The following MECOM variants were observed in gnomAD, a reference collection of about 807,000 sequenced individuals.
MECOM encodes histone-lysine N-methyltransferase MECOM.
A neutral mutation model predicts 116.3 loss-of-function variants in MECOM; 13 were observed. That is an observed-to-expected ratio of 0.11 (90% CI 0.07 to 0.18). MECOM has a LOEUF of 0.18. MECOM is among the 10% of genes least tolerant of loss of function. The pLI is 1.00. For synonymous variants in MECOM, 528 were observed against 535.2 expected (o/e 0.99, Z 0.19); for missense variants, 1,299 against 1,509.0 (o/e 0.86, Z 2.31).
chr3:169,247,390 C>T (rs1262709445), intron 2 of MECOM, among the ~76,000 whole-genome samples: 1 of 152,078 alleles, frequency 6.6e-6, no homozygotes, highest in Non-Finnish European at 1.5e-5. Context: ...ACCACAACCT[C>T]CACCTCCCGC....
rs1491467574 is a variant in MECOM at position 169,378,452 on chromosome 3, G to GAAAGAAAGAAA, written c.375+2734_375+2735insTTTCTTTCTTT. 1.5e-3 allele frequency among the ~76,000 whole-genome samples: 97 copies of GAAAGAAAGAAA among 64,542 alleles called. 10 individuals carry two copies. Among genetic ancestry groups the GAAAGAAAGAAA allele is most frequent in the South Asian group, 4.6e-3 (9 of 1,952 alleles). The allele number at this position is 64,542 out of a possible 152,430, so 42.3% of individuals were successfully genotyped here. A position where few individuals can be genotyped will look rare whatever the true frequency, so the allele number is the denominator to read the frequency against. ...AAGAAAGAAAGAAAGAAAGAAAGAA[G>GAAAGAAAGAAA]GAAAGCAAGCAAGCAAGCAAGCAAG... On this transcript the variant is annotated intron_variant, in intron 2 of 16. Transcript: ENST00000651503.
intron 2 of MECOM, among the ~76,000 whole-genome samples, chr3:169,257,898 C>A (rs1028072933): frequency 6.6e-6 from 1 of 152,222 alleles, no homozygotes; most frequent in South Asian, 2.1e-4. Flanking sequence ...AGCAGTGTAA[C>A]CCCCAAATAC....
chr3:169,555,369 T>C (rs1220103532), intron 1 of MECOM, among the ~76,000 whole-genome samples: 1 of 152,132 alleles, frequency 6.6e-6, no homozygotes, highest in East Asian at 1.9e-4. Flanking sequence ...AATTGTTATA[T>C]AGGCATTTTG....
intron 1 of MECOM, among the ~76,000 whole-genome samples, chr3:169,400,685 A>C (rs1386114824): frequency 1.3e-5 from 2 of 152,214 alleles, no homozygotes; most frequent in Non-Finnish European, 2.9e-5. Flanking sequence ...ATTCAAACAC[A>C]GGGGAAAATA....
chr3:169,596,730 A>G (rs1302388956), intron 1 of MECOM, among the ~76,000 whole-genome samples: 1 of 152,192 alleles, frequency 6.6e-6, no homozygotes, highest in Non-Finnish European at 1.5e-5. Flanking sequence ...AGACTGTTCC[A>G]TAGAATTAGT....
intron 2 of MECOM, among the ~76,000 whole-genome samples, chr3:169,347,644 A>G (rs1431763771): frequency 6.6e-6 from 1 of 152,044 alleles, no homozygotes; most frequent in Non-Finnish European, 1.5e-5. Flanking sequence ...CTACCCTTAA[A>G]TGAATTGAAA....
At chr3:169,507,673 T>TTTTTTTTTTTTTTTTTG in intron 1 of MECOM, among the ~76,000 whole-genome samples, 1 of 117,904 alleles carries the variant, frequency 8.5e-6, no homozygotes, top group African/African-American at 3.3e-5. Flanking sequence ...TTTTTTTTTT[T>TTTTTTTTTTTTTTTTTG]TTTTTTGAGA....
At chr3:169,355,879 A>G (rs1318705803) in intron 2 of MECOM, among the ~76,000 whole-genome samples, 1 of 151,848 alleles carries the variant, frequency 6.6e-6, no homozygotes, top group African/African-American at 2.4e-5. Context: ...TCTAAACCGT[A>G]TATGGAAAAC....
chr3:169,452,327 ATAAGT>A (rs944588623), intron 1 of MECOM, among the ~76,000 whole-genome samples: 2 of 152,204 alleles, frequency 1.3e-5, no homozygotes, highest in African/African-American at 2.4e-5. Flanking sequence ...TTTAAATTAA[ATAAGT>A]TAACATTTTA....
chr3:169,654,402 T>C (rs1430416871), intron 1 of MECOM, among the ~76,000 whole-genome samples: 3 of 152,246 alleles, frequency 2.0e-5, no homozygotes, highest in Non-Finnish European at 2.9e-5. Flanking sequence ...AAAAACTTAT[T>C]TCTCCATCCT....
At chr3:169,394,055 T>G (rs1466147545) in intron 1 of MECOM, among the ~76,000 whole-genome samples, 1 of 152,176 alleles carries the variant, frequency 6.6e-6, no homozygotes, top group African/African-American at 2.4e-5. Context: ...CTGAAGTCTA[T>G]AGAATACACA....
At chr3:169,226,979 T>C (rs1752802846) in intron 2 of MECOM, among the ~76,000 whole-genome samples, 1 of 152,214 alleles carries the variant, frequency 6.6e-6, no homozygotes, top group South Asian at 2.1e-4. Flanking sequence ...AAGAGGTGTC[T>C]AACTTCACCC....
At chr3:169,425,866 A>G (rs1740577820) in intron 1 of MECOM, among the ~76,000 whole-genome samples, 1 of 152,198 alleles carries the variant, frequency 6.6e-6, no homozygotes, top group Non-Finnish European at 1.5e-5. Flanking sequence ...AATGTTTGCA[A>G]CACAGTGAGT....
rs1235771864 is a variant in MECOM at position 169,116,744 on chromosome 3, G to A, written c.1133-5C>T. ...AGGATTTATGGCAGACCTCACCTGT[G>A]TGCAAACAACAAAAAAGAATCTCAG... On this transcript the variant is annotated splice_region_variant and splice_polypyrimidine_tract_variant and intron_variant, in intron 7 of 16. Transcript: ENST00000651503. The A allele has an allele frequency of 1.9e-6, 3 of 1,568,700 alleles. No homozygotes were observed. In the African/African-American group the frequency reaches 4.1e-5, roughly 22 times the overall value.
At chr3:169,360,290 T>TAAAAAAAAAAAA (rs1203615730) in intron 2 of MECOM, among the ~76,000 whole-genome samples, 10 of 29,428 alleles carry the variant, frequency 3.4e-4, no homozygotes, top group African/African-American at 4.4e-4. Flanking sequence ...TAAAGTATAA[T>TAAAAAAAAAAAA]AAAAAAAAAA....
intron 6 of MECOM, among the ~76,000 whole-genome samples, chr3:169,121,559 A>G (rs73167925): frequency 0.063 from 9,574 of 152,196 alleles, 443 homozygotes; most frequent in South Asian, 0.2. Flanking sequence ...TGCTATTTTC[A>G]CCCTTTAAAT....
intron 1 of MECOM, among the ~76,000 whole-genome samples, chr3:169,580,586 A>G (rs1765014356): frequency 6.6e-6 from 1 of 152,220 alleles, no homozygotes; most frequent in Non-Finnish European, 1.5e-5. Flanking sequence ...AACAAGTATG[A>G]GGCAACATGC....
rs1361579686 is a variant in MECOM, at chr3:169,250,416, G to A, written c.376-106584C>T. 3.3e-5 allele frequency among the ~76,000 whole-genome samples: 5 copies of A among 152,112 alleles called. No homozygotes were observed. The East Asian group carries it at 5.8e-4, about 18-fold the overall frequency. On this transcript the variant is annotated intron_variant, in intron 2 of 16. Transcript: ENST00000651503. ...ACTTCTCCTTTCTGCTGAGGAACCC[G>A]CATACCAAGTGAAGACCTTTATGCA...
chr3:169,465,921 T>C (rs965862751), intron 1 of MECOM, among the ~76,000 whole-genome samples: 9 of 152,246 alleles, frequency 5.9e-5, no homozygotes, highest in Non-Finnish European at 1.2e-4. Context: ...TTTTACCTGA[T>C]CCTTTTCTAA....
Sources: gnomAD v4.1 joint callset for allele counts (sites outside exome capture counted in the v4.1 genomes callset) on GRCh38, gnomAD v4.1.1 for gene constraint, MANE v1.5 for transcripts, NCBI Gene and HGNC (gene_info 2026-07-23, HGNC 2026-07-21) for gene names.